The following USP32 variants were observed in gnomAD, a reference collection of about 807,000 sequenced individuals.
USP32 encodes the protein ubiquitin carboxyl-terminal hydrolase 32.
Under a neutral mutation model 204.8 loss-of-function variants are expected in USP32, and 59 were observed. The ratio of observed to expected loss-of-function variants is 0.29; its 90% CI spans 0.23 to 0.36. The LOEUF (loss-of-function observed/expected upper bound fraction) is 0.36, where lower values mean the gene tolerates loss of function less well. Ranked by LOEUF, USP32 falls within the 10% of genes least tolerant of loss-of-function variation. The pLI, the probability that USP32 is intolerant of heterozygous loss-of-function variation, is 1.00. For missense variants in USP32, 1,160 were observed against 1,946.4 expected, an observed-to-expected ratio of 0.60 and a Z score of 7.60; for synonymous variants, 517 against 678.4, an observed-to-expected ratio of 0.76 and a Z score of 3.70.
chr17:60,417,172 C>G (rs1035598145), intron 1 of USP32, among the ~76,000 whole-genome samples: 1 of 152,112 alleles, frequency 6.6e-6, no homozygotes, highest in African/African-American at 2.4e-5. Context: ...CCCACCTCAG[C>G]CTCCCAAAGT....
chr17:60,419,818 ATTATTATTATT>A lies in USP32; in HGVS notation c.106+2417_106+2427del, dbSNP rs1457378375. 6.6e-4 allele frequency among the ~76,000 whole-genome samples: 4 copies of A among 6,066 alleles called. No individual in the cohort carries two copies. The African/African-American group carries it at 6.6e-3, about 10-fold the overall frequency. The allele number at this position is 6,066 out of a possible 152,430, so 4.0% of individuals were successfully genotyped here. A position where few individuals can be genotyped will look rare whatever the true frequency, so the allele number is the denominator to read the frequency against. On this transcript the variant is annotated intron_variant, in intron 1 of 3. Transcript: ENST00000588898. ...AACCTGCAACTCAAGGTTAAAAAAA[ATTATTATTATT>A]ATTATTATTATTATTATTATTATTA...
chr17:60,369,231 T>C (rs1439196422), intron 1 of USP32, among the ~76,000 whole-genome samples: 1 of 137,688 alleles, frequency 7.3e-6, no homozygotes, highest in Non-Finnish European at 1.5e-5. Context: ...CCTGACCTCG[T>C]GATCCGCCCG....
At chr17:60,387,890 A>C (rs1039205458) in intron 1 of USP32, among the ~76,000 whole-genome samples, 4 of 152,328 alleles carry the variant, frequency 2.6e-5, no homozygotes, top group Non-Finnish European at 4.4e-5. Flanking sequence ...GGTTATTAAT[A>C]CTAAATATTA....
At chr17:60,237,161 T>C (rs899743970) in intron 11 of USP32, among the ~76,000 whole-genome samples, 3 of 133,560 alleles carry the variant, frequency 2.2e-5, no homozygotes, top group South Asian at 4.8e-4. Context: ...TATCTATCTA[T>C]CTACAGAATC....
chr17:60,368,997 T>TC (rs1478249621), intron 1 of USP32, among the ~76,000 whole-genome samples: 1 of 129,512 alleles, frequency 7.7e-6, no homozygotes, highest in Non-Finnish European at 1.5e-5. Flanking sequence ...AAAGATTTTT[T>TC]TTTTTTTTTT....
At chr17:60,402,561 T>C (rs1367377464) in intron 1 of USP32, among the ~76,000 whole-genome samples, 1 of 152,170 alleles carries the variant, frequency 6.6e-6, no homozygotes, top group African/African-American at 2.4e-5. Flanking sequence ...ATTGATCAGT[T>C]ATTCTTCTGA....
intron 1 of USP32, among the ~76,000 whole-genome samples, chr17:60,380,749 C>T (rs1164915152): frequency 2.0e-5 from 3 of 152,194 alleles, no homozygotes; most frequent in Non-Finnish European, 4.4e-5. Flanking sequence ...CCAATGTACC[C>T]TATTCATACC....
At chr17:60,280,110 T>A (rs139357149) in intron 5 of USP32, among the ~76,000 whole-genome samples, 6,750 of 151,786 alleles carry the variant, frequency 0.044, 536 homozygotes, top group African/African-American at 0.16. Context: ...TATTATTATT[T>A]TTTGAGATGG....
chr17:60,375,370 A>G (rs1420983601), intron 1 of USP32, among the ~76,000 whole-genome samples: 1 of 152,224 alleles, frequency 6.6e-6, no homozygotes, highest in Non-Finnish European at 1.5e-5. Flanking sequence ...ACTACTATGC[A>G]AACTGAGAAA....
intron 5 of USP32, 67 bp downstream of exon 5, chr17:60,288,456 T>G: frequency 1.3e-6 from 2 of 1,503,006 alleles, no homozygotes; most frequent in Middle Eastern, 1.8e-4. Context: ...AAGCATATTC[T>G]CATATTACCA....
At chr17:60,312,604 C>T (rs2087881202) in intron 2 of USP32, among the ~76,000 whole-genome samples, 1 of 151,474 alleles carries the variant, frequency 6.6e-6, no homozygotes, top group Middle Eastern at 3.2e-3. Context: ...TCACACCTTG[C>T]TAATTTTTTC....
chr17:60,195,692 G>A (rs766619860), intron 27 of USP32, among the ~76,000 whole-genome samples: 13 of 152,122 alleles, frequency 8.5e-5, no homozygotes, highest in African/African-American at 1.2e-4. Flanking sequence ...GTCGGAATGC[G>A]TATGAACTCA....
rs1184198601 is a variant in USP32, at chr17:60,214,616, T to G, written c.2022+4A>C. The G allele has an allele frequency of 6.2e-7, 1 of 1,612,608 alleles. No homozygotes were observed. The highest frequency in any genetic ancestry group is 8.5e-7 in the Non-Finnish European group (1 of 1,179,030). ...ACTCTCTATGACTCTGAGATGCCTC[T>G]TACCTCACTGTTGTATAGCCACAGG... On this transcript the variant is annotated splice_donor_region_variant and intron_variant, in intron 17 of 33. Coordinates refer to ENST00000300896, the MANE Select transcript of USP32 (RefSeq NM_032582.4).
At chr17:60,412,366 A>G (rs115531896) in intron 1 of USP32, among the ~76,000 whole-genome samples, 1,629 of 147,350 alleles carry the variant, frequency 0.011, 40 homozygotes, top group African/African-American at 0.038. Context: ...TTGGCCGGGT[A>G]TGTGATGTGA....
chr17:60,421,210 G>A, intron 1 of USP32: 1 of 268,292 alleles, frequency 3.7e-6, no homozygotes, highest in Non-Finnish European at 5.7e-6. Context: ...CTTCCATCTT[G>A]GAGGCGGATA....
intron 29 of USP32, among the ~76,000 whole-genome samples, chr17:60,188,654 T>G: frequency 6.6e-6 from 1 of 152,254 alleles, no homozygotes; most frequent in East Asian, 1.9e-4. Flanking sequence ...AACTTTTTGC[T>G]ATTCTAAAAA....
At chr17:60,259,239 C>T (rs935962083) in intron 9 of USP32, among the ~76,000 whole-genome samples, 4 of 152,050 alleles carry the variant, frequency 2.6e-5, no homozygotes, top group Non-Finnish European at 5.9e-5. Flanking sequence ...GACCAACCTG[C>T]GGTCTCTTTA....
chr17:60,205,398 C>T (rs775312380), intron 26 of USP32, 49 bp downstream of exon 26: 3 of 1,585,260 alleles, frequency 1.9e-6, no homozygotes, highest in Non-Finnish European at 2.6e-6. Flanking sequence ...GACTATTTCA[C>T]AAATGACACT....
At chr17:60,377,367 G>C (rs2089566740) in intron 1 of USP32, among the ~76,000 whole-genome samples, 1 of 152,114 alleles carries the variant, frequency 6.6e-6, no homozygotes, top group African/African-American at 2.4e-5. Flanking sequence ...GCCTACAAAA[G>C]CAGAAGATTT....
Sources: allele counts gnomAD v4.1 joint callset (sites outside exome capture counted in the v4.1 genomes callset), GRCh38; gene constraint gnomAD v4.1.1; transcripts MANE v1.5; gene names NCBI Gene and HGNC (gene_info 2026-07-23, HGNC 2026-07-21).